RALYL: variants seen among roughly 807,000 people sequenced by gnomAD.
RALYL encodes the protein RALY RNA binding protein like, also known as RNA-binding Raly-like protein.
In RALYL, 29 loss-of-function variants were observed where a neutral mutation model predicts 35.1. That is an observed-to-expected ratio of 0.83 (90% CI 0.61 to 1.13). The LOEUF (loss-of-function observed/expected upper bound fraction) is 1.13. Among genes scored for constraint, RALYL ranks in the 50% most tolerant of loss-of-function variants. The pLI is 0.00. For synonymous variants in RALYL, 120 were observed against 127.6 expected (o/e 0.94, Z 0.40); for missense variants, 359 against 360.4 (o/e 1.00, Z 0.03).
At chr8:84,415,214 T>G (rs1228636908) in intron 1 of RALYL, among the ~76,000 whole-genome samples, 3 of 151,144 alleles carry the variant, frequency 2.0e-5, no homozygotes, top group African/African-American at 4.9e-5. Flanking sequence ...CGTTTTTTTT[T>G]TTTTGTTTTT....
intron 2 of RALYL, among the ~76,000 whole-genome samples, chr8:84,734,166 C>G (rs1220876138): frequency 1.3e-5 from 2 of 152,160 alleles, no homozygotes; most frequent in Admixed American, 1.3e-4. Context: ...TCTCTGTTTA[C>G]TGCTGAATAG....
At chr8:84,459,796 T>C (rs553379885) in intron 1 of RALYL, among the ~76,000 whole-genome samples, 20 of 151,866 alleles carry the variant, frequency 1.3e-4, no homozygotes, top group African/African-American at 4.6e-4. Flanking sequence ...TGTTGGGAAA[T>C]GGCACTGAGA....
At chr8:84,223,166 CTCCCTTCCCTTCCCTTCCCT>C (rs11277780) in intron 1 of RALYL, among the ~76,000 whole-genome samples, 5 of 83,840 alleles carry the variant, frequency 6.0e-5, no homozygotes, top group Admixed American at 1.6e-4. Context: ...TCTTTCCTTC[CTCCCTTCCCTTCCCTTCCCT>C]TCCCTTCCCT....
At chr8:84,501,056 C>T (rs187242875) in intron 1 of RALYL, among the ~76,000 whole-genome samples, 63 of 152,186 alleles carry the variant, frequency 4.1e-4, no homozygotes, top group African/African-American at 1.5e-3. Context: ...ACATATAAGT[C>T]ATCATCTATG....
At chr8:84,370,080 C>T (rs557029608) in intron 1 of RALYL, among the ~76,000 whole-genome samples, 1 of 152,126 alleles carries the variant, frequency 6.6e-6, no homozygotes, top group South Asian at 2.1e-4. Flanking sequence ...TTTACACAGC[C>T]ACGTAAATTT....
intron 2 of RALYL, among the ~76,000 whole-genome samples, chr8:84,740,675 T>A (rs192141590): frequency 9.2e-5 from 14 of 152,152 alleles, no homozygotes; most frequent in African/African-American, 3.1e-4. Flanking sequence ...ATAACACATT[T>A]ATATACTCCT....
At chr8:84,757,948 G>T (rs1263647645) in intron 2 of RALYL, among the ~76,000 whole-genome samples, 2 of 152,002 alleles carry the variant, frequency 1.3e-5, no homozygotes, top group Non-Finnish European at 1.5e-5. Flanking sequence ...ATAGGAAAAA[G>T]CAAAATATAG....
intron 1 of RALYL, among the ~76,000 whole-genome samples, chr8:84,468,339 G>T (rs1332296687): frequency 1.3e-5 from 2 of 151,776 alleles, no homozygotes; most frequent in Non-Finnish European, 2.9e-5. Flanking sequence ...GGCAGGCCTG[G>T]TGGTGACAAA....
intron 2 of RALYL, among the ~76,000 whole-genome samples, chr8:84,672,717 A>C (rs186675201): frequency 9.9e-5 from 15 of 152,232 alleles, no homozygotes; most frequent in Admixed American, 9.8e-4. Context: ...GCCCTTTATA[A>C]AACCTTCAGA....
At chr8:84,345,238 T>C (rs1221771467) in intron 1 of RALYL, among the ~76,000 whole-genome samples, 3 of 151,828 alleles carry the variant, frequency 2.0e-5, no homozygotes, top group Non-Finnish European at 4.4e-5. Context: ...GTTTATGGGG[T>C]GTAGTGGGCC....
At chr8:84,593,721 G>C (rs1228120643) in intron 2 of RALYL, among the ~76,000 whole-genome samples, 1 of 152,028 alleles carries the variant, frequency 6.6e-6, no homozygotes, top group Non-Finnish European at 1.5e-5. Context: ...ATTTAAAGCA[G>C]AGGTCTGAAT....
chr8:84,672,274 T>C (rs150103424), intron 2 of RALYL, among the ~76,000 whole-genome samples: 11 of 152,310 alleles, frequency 7.2e-5, no homozygotes, highest in African/African-American at 2.4e-4. Flanking sequence ...CTGGACTTTA[T>C]TGTCCATATC....
intron 2 of RALYL, among the ~76,000 whole-genome samples, chr8:84,691,310 G>T (rs988562292): frequency 6.6e-6 from 1 of 151,954 alleles, no homozygotes; most frequent in Admixed American, 6.6e-5. Flanking sequence ...TTACAAGGAG[G>T]TTATCTTTGT....
At chr8:84,225,136 C>T (rs1586330972) in intron 1 of RALYL, among the ~76,000 whole-genome samples, 1 of 152,170 alleles carries the variant, frequency 6.6e-6, no homozygotes, top group East Asian at 1.9e-4. Flanking sequence ...TAATTCTTCT[C>T]TTTGCCTTGC....
At chr8:84,663,762 T>C (rs1226423345) in intron 2 of RALYL, among the ~76,000 whole-genome samples, 1 of 152,206 alleles carries the variant, frequency 6.6e-6, no homozygotes, top group African/African-American at 2.4e-5. Flanking sequence ...TCCCATTCTC[T>C]AGGCTGTCCA....
chr8:84,897,689 C>A (rs1844980608), intron 8 of RALYL, among the ~76,000 whole-genome samples: 1 of 152,112 alleles, frequency 6.6e-6, no homozygotes, highest in African/African-American at 2.4e-5. Context: ...AGAAGCCTTA[C>A]ATATCACATT....
chr8:84,385,294 C>A (rs1223068705), intron 1 of RALYL, among the ~76,000 whole-genome samples: 2 of 151,782 alleles, frequency 1.3e-5, no homozygotes, highest in African/African-American at 4.8e-5. Context: ...TAAATTCAAT[C>A]AATTTCTAAG....
chr8:84,611,699 T>G (rs1818344431), intron 2 of RALYL, among the ~76,000 whole-genome samples: 1 of 152,188 alleles, frequency 6.6e-6, no homozygotes, highest in Non-Finnish European at 1.5e-5. Flanking sequence ...AATAAATATA[T>G]GGTCGTACAT....
chr8:84,580,594 A>G (rs1173146636), intron 2 of RALYL, among the ~76,000 whole-genome samples: 1 of 152,208 alleles, frequency 6.6e-6, no homozygotes, highest in Non-Finnish European at 1.5e-5. Flanking sequence ...TGCAACATTA[A>G]GAATCAAATT....
Sources: gnomAD v4.1 joint callset for allele counts (sites outside exome capture counted in the v4.1 genomes callset) on GRCh38, gnomAD v4.1.1 for gene constraint, MANE v1.5 for transcripts, NCBI Gene and HGNC (gene_info 2026-07-23, HGNC 2026-07-21) for gene names.